Variants in RAB3IP observed in about 807,000 individuals in gnomAD.
The protein encoded by RAB3IP is RAB3A interacting protein.
RAB3IP carries 36 observed loss-of-function variants against 59.1 expected under a neutral mutation model. The ratio of observed to expected loss-of-function variants is 0.61; its 90% CI spans 0.47 to 0.80. The LOEUF is 0.80. RAB3IP is among the 30% of genes least tolerant of loss of function. The pLI, the probability that RAB3IP is intolerant of heterozygous loss-of-function variation, is 0.00. For synonymous variants in RAB3IP, 207 were observed against 191.2 expected (o/e 1.08, Z -0.68); for missense variants, 511 against 536.0 (o/e 0.95, Z 0.46).
At chr12:69,805,874 T>G (rs972150614) in intron 8 of RAB3IP, among the ~76,000 whole-genome samples, 3 of 152,200 alleles carry the variant, frequency 2.0e-5, no homozygotes, top group African/African-American at 7.2e-5. Context: ...ATAAGCTTTT[T>G]GATGTGTTGC....
At position 69,784,739 on chromosome 12, in the gene RAB3IP, A is replaced by G; in HGVS notation, c.530A>G (p.Glu177Gly). 6.2e-7 allele frequency: 1 copy of G among 1,604,222 alleles called. No individual in the cohort carries two copies. Among genetic ancestry groups the G allele is most frequent in the Non-Finnish European group, 8.5e-7 (1 of 1,174,206 alleles). The change falls in exon 4 of 11, where the codon GAA (glutamate) becomes GGA (glycine). Residue 177 changes from glutamate to glycine, a missense_variant. Transcript: ENST00000247833. Reference protein sequence around the residue: ...KAQRELKLKDEECERLSKVRD... With the variant: ...KAQRELKLKDGECERLSKVRD... ...TCTTAGGAACTGAAGTTAAAAGATG[A>G]AGAATGTGAGAGGCTTTCAAAAGTG...
intron 2 of RAB3IP, 114 bp from the exon 3 acceptor site, chr12:69,756,291 A>T: frequency 9.5e-7 from 1 of 1,055,022 alleles, no homozygotes; most frequent in Non-Finnish European, 1.4e-6. Context: ...CATACTATTT[A>T]TTTAAATATA....
chr12:69,796,280 A>G (rs1284822113), intron 6 of RAB3IP: 6 of 155,674 alleles, frequency 3.9e-5, no homozygotes, highest in African/African-American at 1.2e-4. Context: ...AGCCTGGGCA[A>G]CAAGAGCGAA....
At chr12:69,782,762 T>G (rs757109313) in intron 3 of RAB3IP, among the ~76,000 whole-genome samples, 4 of 152,222 alleles carry the variant, frequency 2.6e-5, no homozygotes, top group Non-Finnish European at 5.9e-5. Flanking sequence ...TTAGATGTAT[T>G]TTCTTCTTAC....
At chr12:69,809,190 T>G (rs1194743413) in intron 8 of RAB3IP, among the ~76,000 whole-genome samples, 3 of 150,320 alleles carry the variant, frequency 2.0e-5, no homozygotes, top group East Asian at 1.9e-4. Flanking sequence ...AAATTCTGGG[T>G]TGAAAATTAT....
In RAB3IP at chr12:69,820,469, A is replaced by G. The variant is rs1881584580; in HGVS notation, c.*5023A>G. ...CTGCCCTCCTACAATCACTGACGGC[A>G]GCCGCAGGGATCTTTATAAAACGAA... On this transcript the variant is annotated 3_prime_UTR_variant, in exon 11 of 11. Transcript: ENST00000247833. 6.6e-6 allele frequency: 1 copy of G among 151,476 alleles called. No homozygotes were observed. The highest frequency in any genetic ancestry group is 2.1e-4 in the South Asian group (1 of 4,780). 9.4% of individuals were successfully genotyped at this position (151,476 alleles called of 1,614,324 possible).
chr12:69,768,037 A>G (rs930566966), intron 3 of RAB3IP, among the ~76,000 whole-genome samples: 7 of 151,746 alleles, frequency 4.6e-5, no homozygotes, highest in African/African-American at 1.7e-4. Context: ...GGATATCTGC[A>G]CAGGAAGGGT....
intron 1 of RAB3IP, among the ~76,000 whole-genome samples, chr12:69,749,517 A>G (rs919019686): frequency 6.6e-6 from 1 of 152,204 alleles, no homozygotes; most frequent in African/African-American, 2.4e-5. Flanking sequence ...CTAGGCTCAG[A>G]TTGTCTCAGT....
At chr12:69,783,173 A>G (rs141845868) in intron 3 of RAB3IP, among the ~76,000 whole-genome samples, 22 of 152,324 alleles carry the variant, frequency 1.4e-4, no homozygotes, top group Non-Finnish European at 2.5e-4. Flanking sequence ...TTCCTATGAA[A>G]GAATAAATCA....
intron 10 of RAB3IP, 36 bp downstream of exon 10, chr12:69,813,069 A>G (rs1880676343): frequency 6.8e-7 from 1 of 1,472,832 alleles, no homozygotes; most frequent in East Asian, 2.3e-5. Flanking sequence ...TCTTTACATA[A>G]AAGTTCAGCA....
At chr12:69,807,074 T>G (rs1169743931) in intron 8 of RAB3IP, among the ~76,000 whole-genome samples, 1 of 152,236 alleles carries the variant, frequency 6.6e-6, no homozygotes, top group Non-Finnish European at 1.5e-5. Flanking sequence ...TCATGGCCTG[T>G]TCTCGACGGT....
chr12:69,785,100 C>T (rs568211101), intron 4 of RAB3IP: 14 of 204,328 alleles, frequency 6.9e-5, no homozygotes, highest in South Asian at 6.5e-4. Context: ...CAAGTATTTA[C>T]GGGCTACTTT....
intron 1 of RAB3IP, chr12:69,739,741 C>T (rs1887094423): frequency 5.9e-6 from 7 of 1,181,520 alleles, no homozygotes; most frequent in Admixed American, 5.2e-5. Flanking sequence ...CTCTGCCCTC[C>T]CAGCGTTGAC....
chr12:69,795,410 C>T, intron 6 of RAB3IP, 66 bp downstream of exon 6: 1 of 1,360,752 alleles, frequency 7.3e-7, no homozygotes, highest in Non-Finnish European at 1.0e-6. Flanking sequence ...ACTGAGGTGT[C>T]AGTTATCATT....
intron 3 of RAB3IP, among the ~76,000 whole-genome samples, chr12:69,763,170 TC>T (rs1253615447): frequency 6.6e-6 from 1 of 152,174 alleles, no homozygotes; most frequent in Non-Finnish European, 1.5e-5. Context: ...AACAAAGAAT[TC>T]TGAAGGAGCC....
At chr12:69,781,302 G>A (rs895575639) in intron 3 of RAB3IP, among the ~76,000 whole-genome samples, 3 of 151,922 alleles carry the variant, frequency 2.0e-5, no homozygotes, top group African/African-American at 4.8e-5. Flanking sequence ...CTCCACACAC[G>A]CACAGCATCC....
rs770194124 is a variant in RAB3IP at position 69,820,553 on chromosome 12, G to GGA, written c.*5107_*5108insGA. 1 of 99,422 alleles carries GGA rather than the reference G, an allele frequency of 1.0e-5. No homozygotes were observed. The highest frequency in any genetic ancestry group is 3.5e-5 in the African/African-American group (1 of 28,700). The allele number at this position is 99,422 out of a possible 1,614,324, so 6.2% of individuals were successfully genotyped here. ...TTTGAGTGGCTTCCCATTGCACTTA[G>GGA]AAAAAAAAAAAAAAAAAAAAACTGG... On this transcript the variant is annotated 3_prime_UTR_variant, in exon 11 of 11. Transcript: ENST00000247833.
intron 6 of RAB3IP, among the ~76,000 whole-genome samples, chr12:69,798,055 G>A (rs1010109598): frequency 1.3e-5 from 2 of 152,236 alleles, no homozygotes. Flanking sequence ...GGGATGGCTG[G>A]GTCAAATGGT....
chr12:69,751,275 T>C (rs1869239424), intron 1 of RAB3IP, among the ~76,000 whole-genome samples: 1 of 152,172 alleles, frequency 6.6e-6, no homozygotes, highest in Non-Finnish European at 1.5e-5. Context: ...TTGATATCAG[T>C]CCAGTAGTTT....
Sources: gnomAD v4.1 joint callset for allele counts (sites outside exome capture counted in the v4.1 genomes callset) on GRCh38, gnomAD v4.1.1 for gene constraint, MANE v1.5 for transcripts, NCBI Gene and HGNC (gene_info 2026-07-23, HGNC 2026-07-21) for gene names.